The following SCML2 variants were observed in gnomAD, a reference collection of about 807,000 sequenced individuals.
The protein encoded by SCML2 is Scm polycomb group protein like 2.
Under a neutral mutation model 48.4 loss-of-function variants are expected in SCML2, and 6 were observed. The observed-to-expected ratio is 0.12, with a 90% CI of 0.07 to 0.24. SCML2 has a LOEUF of 0.24. Ranked by LOEUF, SCML2 falls within the 10% of genes least tolerant of loss-of-function variation. The pLI, the probability that SCML2 is intolerant of heterozygous loss-of-function variation, is 1.00. For synonymous variants in SCML2, 181 were observed against 189.5 expected (o/e 0.95, Z 0.37); for missense variants, 377 against 528.2 (o/e 0.71, Z 2.81).
intron 6 of SCML2, among the ~76,000 whole-genome samples, chrX:18,313,279 G>A (rs1391352659): frequency 3.6e-5 from 4 of 110,662 alleles, no homozygotes; most frequent in Admixed American, 9.6e-5. Context: ...GGAGGGACCC[G>A]GGGGAGGTAA....
chrX:18,257,856 C>T (rs1926905026), intron 10 of SCML2, among the ~76,000 whole-genome samples, 188 bp downstream of exon 10: 1 of 99,686 alleles, frequency 1.0e-5, no homozygotes, highest in Admixed American at 1.1e-4. Context: ...CCACTGCACT[C>T]CAGCCTGGGT....
At chrX:18,316,048 T>C (rs916678659) in intron 6 of SCML2, among the ~76,000 whole-genome samples, 1 of 111,368 alleles carries the variant, frequency 9.0e-6, no homozygotes, top group African/African-American at 3.3e-5. Context: ...CAAGGAAAAG[T>C]GAGGATTTAA....
chrX:18,311,576 A>C (rs1378516200), intron 6 of SCML2, among the ~76,000 whole-genome samples: 2 of 112,053 alleles, frequency 1.8e-5, no homozygotes, highest in Non-Finnish European at 3.8e-5. Flanking sequence ...GCTGTGTCTG[A>C]AATGTTCAAA....
chrX:18,352,506 C>T (rs1193026382), intron 1 of SCML2, among the ~76,000 whole-genome samples: 1 of 112,294 alleles, frequency 8.9e-6, no homozygotes, highest in Non-Finnish European at 1.9e-5. Context: ...ACTGACTTCT[C>T]GAGTTCGCCC....
rs140760052 is a variant in SCML2, at chrX:18,330,619, G to A, written c.59C>T (p.Thr20Ile). The A allele has an allele frequency of 5.5e-5, 64 of 1,173,952 alleles. No individual in the cohort carries two copies. The African/African-American group carries it at 9.1e-4, about 17-fold the overall frequency. Residue 20 changes from threonine to isoleucine, a missense_variant, in exon 3 of 15, where the codon ACT becomes ATT. Physicochemically the swap from Thr to Ile is moderately conservative, Grantham distance 89. Coordinates refer to ENST00000251900, the MANE Select transcript of SCML2 (RefSeq NM_006089.3). ...MDVKKENQEK[T>I]PQSSTSSVQR... Reference sequence around the variant, plus strand: ...TACAGAAGATGTACTTGACTGAGGAGTTTTCTCTTGATTCTCCTTCTTGAC... The same window carrying A: ...TACAGAAGATGTACTTGACTGAGGAATTTTCTCTTGATTCTCCTTCTTGAC...
At chrX:18,241,469 C>T (rs1419947058) in intron 14 of SCML2, 90 bp from the exon 15 acceptor site, 2 of 592,431 alleles carry the variant, frequency 3.4e-6, no homozygotes, top group Admixed American at 4.1e-5. Context: ...CAGCTGTATA[C>T]TCCGGATATA....
At chrX:18,328,267 T>C (rs766322804) in intron 3 of SCML2, among the ~76,000 whole-genome samples, 1 of 111,410 alleles carries the variant, frequency 9.0e-6, no homozygotes, top group African/African-American at 3.3e-5. Flanking sequence ...ATGGGCAAAA[T>C]ACCTAGAGAT....
In SCML2 at chrX:18,246,582, C is replaced by T. The variant is rs1490882697; in HGVS notation, c.1817G>A (p.Ser606Asn). Residue 606 changes from serine to asparagine, a missense_variant, in exon 13 of 15, where the codon AGT becomes AAT. Physicochemically the swap from Ser to Asn is conservative, Grantham distance 46. Around this residue, in one of 3 missense-constraint regions of SCML2, gnomAD observed 299 missense variants for 425.5 expected, o/e 0.70. Coordinates refer to ENST00000251900, the MANE Select transcript of SCML2 (RefSeq NM_006089.3). The part of the protein sequence containing the change: ...HEVKFQMQRK[S>N]EAPSYIAVPD... ...GTCACTATTTTTGAACATACCTTCA[C>T]TTTTCCTCTGCATTTGGAATTTAAC... The T allele has an allele frequency of 1.7e-6, 2 of 1,194,489 alleles. No homozygotes were observed. Among genetic ancestry groups the T allele is most frequent in the Non-Finnish European group, 2.3e-6 (2 of 888,050 alleles).
intron 7 of SCML2, among the ~76,000 whole-genome samples, chrX:18,291,330 C>A (rs1222245298): frequency 8.9e-6 from 1 of 111,818 alleles, no homozygotes; most frequent in African/African-American, 3.2e-5. Context: ...AGGGAAAAAG[C>A]CACACAGCTT....
At chrX:18,316,139 A>C (rs1929114679) in intron 6 of SCML2, among the ~76,000 whole-genome samples, 1 of 112,677 alleles carries the variant, frequency 8.9e-6, no homozygotes, top group Non-Finnish European at 1.9e-5. Flanking sequence ...CTGTAATCCC[A>C]GCACTTTGGG....
chrX:18,343,753 T>C (rs1228090323), intron 1 of SCML2, among the ~76,000 whole-genome samples: 20 of 78,446 alleles, frequency 2.5e-4, no homozygotes, highest in Non-Finnish European at 4.0e-4. Flanking sequence ...AGAGCGAGAC[T>C]CTGTCTCAAA....
intron 7 of SCML2, among the ~76,000 whole-genome samples, chrX:18,293,016 G>A (rs1010302523): frequency 9.0e-6 from 1 of 111,409 alleles, no homozygotes; most frequent in African/African-American, 3.3e-5. Context: ...AGTTATATGT[G>A]TAAGAGAAAA....
chrX:18,323,538 A>C (rs1409600811), intron 5 of SCML2, among the ~76,000 whole-genome samples: 1 of 111,474 alleles, frequency 9.0e-6, no homozygotes, highest in African/African-American at 3.3e-5. Context: ...AAACGCTACA[A>C]AGTTCTTCCC....
chrX:18,316,647 C>G (rs1272864475), intron 6 of SCML2, among the ~76,000 whole-genome samples: 2 of 111,840 alleles, frequency 1.8e-5, no homozygotes, highest in Non-Finnish European at 3.8e-5. Flanking sequence ...TAGCTTAGAA[C>G]AGGGGTCCCC....
At chrX:18,344,293 T>A (rs765915756) in intron 1 of SCML2, among the ~76,000 whole-genome samples, 2 of 112,621 alleles carry the variant, frequency 1.8e-5, no homozygotes, top group East Asian at 5.5e-4. Context: ...GAATTAGAAG[T>A]CATCTTTGAC....
chrX:18,325,125 T>C (rs1028586258), intron 3 of SCML2, 148 bp from the exon 4 acceptor site: 49 of 375,814 alleles, frequency 1.3e-4, no homozygotes, highest in Admixed American at 3.1e-4. Flanking sequence ...GATTCAAAAA[T>C]CCTGATCTAC....
intron 7 of SCML2, among the ~76,000 whole-genome samples, chrX:18,266,878 AC>A (rs1364851772): frequency 1.7e-4 from 19 of 112,130 alleles, no homozygotes; most frequent in African/African-American, 4.9e-4. Flanking sequence ...AGAGAGGACC[AC>A]TTCACTGCCA....
intron 7 of SCML2, among the ~76,000 whole-genome samples, chrX:18,296,294 T>C (rs915100419): frequency 3.7e-5 from 4 of 108,488 alleles, no homozygotes; most frequent in Non-Finnish European, 7.6e-5. Context: ...ACCCTAGAAA[T>C]GAAGAATTCA....
At chrX:18,274,335 T>G (rs1034929957) in intron 7 of SCML2, among the ~76,000 whole-genome samples, 3 of 111,537 alleles carry the variant, frequency 2.7e-5, no homozygotes, top group Non-Finnish European at 3.8e-5. Context: ...CAGGTCCAAG[T>G]GAGTGGAGTT....
Sources: gnomAD v4.1 joint callset for allele counts (sites outside exome capture counted in the v4.1 genomes callset) on GRCh38, gnomAD v4.1.1 for gene constraint, gnomAD v4.1.1 regional missense constraint, MANE v1.5 for transcripts, NCBI Gene and HGNC (gene_info 2026-07-23, HGNC 2026-07-21) for gene names.